GEM: variants seen among roughly 807,000 people sequenced by gnomAD.
GEM encodes GTP binding protein overexpressed in skeletal muscle, also known as GTP-binding protein GEM.
GEM carries 31 observed loss-of-function variants against 33.0 expected under a neutral mutation model. The ratio of observed to expected loss-of-function variants is 0.94; its 90% CI spans 0.71 to 1.27. GEM has a LOEUF of 1.27. Ranked by LOEUF, GEM falls within the 50% of genes most tolerant of loss-of-function variation. GEM has a pLI of 0.00. For missense variants in GEM, 354 were observed against 390.5 expected (o/e 0.91, Z 0.79); for synonymous variants, 141 against 143.7 (o/e 0.98, Z 0.13).
Position 94,260,462 on chromosome 8 carries a change from GC to G in GEM, c.41del (p.Gly14AlafsTer18), listed in dbSNP as rs1412384786. 1 of 1,611,450 alleles carries G rather than the reference GC, an allele frequency of 6.2e-7. No homozygotes were observed. The highest frequency in any genetic ancestry group is 8.5e-7 in the Non-Finnish European group (1 of 1,178,106). On this transcript the variant is annotated frameshift_variant, in exon 2 of 5. Transcript: ENST00000297596. LOFTEE classifies it high-confidence loss of function. ...TCCAGCGCTGCTGCTGTGGCTGCAT[GC>G]CCACAGTGCCCTGGCGCATGGTGAC... ...NNVTMRQGTV[G>X]MQPQQQRWSI...
At chr8:94,251,974 G>A in intron 4 of GEM, 45 bp downstream of exon 4, 1 of 1,402,204 alleles carries the variant, frequency 7.1e-7, no homozygotes. Context: ...GAAAACACAT[G>A]TGATCCAGCG....
In GEM at chr8:94,260,317, T is replaced by C; in HGVS notation, c.187A>G (p.Thr63Ala). ...HCRRSWSSDS[T>A]DSVISSESGN... ...GACTCAGAGGAGATGACTGAGTCTG[T>C]GGAGTCAGAGGACCAGCTTCGGCGG... The change falls in exon 2 of 5, where the codon ACA becomes GCA. Residue 63 changes from threonine (T) to alanine (A), a missense_variant. Transcript: ENST00000297596. The C allele has an allele frequency of 6.2e-7, 1 of 1,614,054 alleles. No homozygotes were observed. Among genetic ancestry groups the C allele is most frequent in the Non-Finnish European group, 8.5e-7 (1 of 1,179,914 alleles).
chr8:94,250,409 C>T lies in GEM; in HGVS notation c.792G>A (p.Arg264=). Residue 264 remains arginine (R), a synonymous_variant, in exon 5 of 5, where the codon AGG becomes AGA. Coordinates refer to ENST00000297596, the MANE Select transcript of GEM (RefSeq NM_005261.4). ...AYQKRKESMP[R]KARRFWGKIV... ...TCTTGCCCCAGAAGCGCCTGGCTTT[C>T]CTGGGCATGCTCTCCTTCCTTTTCT... 6.2e-7 allele frequency: 1 copy of T among 1,614,150 alleles called. No individual in the cohort carries two copies. The highest frequency in any genetic ancestry group is 8.5e-7 in the Non-Finnish European group (1 of 1,180,006).
At chr8:94,256,016 C>T (rs192961675) in intron 2 of GEM, among the ~76,000 whole-genome samples, 10 of 152,160 alleles carry the variant, frequency 6.6e-5, no homozygotes, top group Non-Finnish European at 8.8e-5. Flanking sequence ...CCTGGGCTTC[C>T]GTTTCCATCC....
At position 94,260,488 on chromosome 8, in the gene GEM, C is replaced by T. The variant is rs779094271; in HGVS notation, c.16G>A (p.Val6Ile). MTLNN[V>I]TMRQGTVGMQ... ...CCCACAGTGCCCTGGCGCATGGTGACATTATTCAGAGTCATCGTTGAGTCC... is the reference window on the plus strand; with the variant it reads ...CCCACAGTGCCCTGGCGCATGGTGATATTATTCAGAGTCATCGTTGAGTCC... Residue 6 changes from valine (V) to isoleucine (I), a missense_variant, in exon 2 of 5, where the codon GTC becomes ATC. By Grantham distance (29) the Val-to-Ile change is conservative. Transcript: ENST00000297596. 2.5e-6 allele frequency: 4 copies of T among 1,602,450 alleles called. No homozygotes were observed. The South Asian group carries it at 4.4e-5, about 18-fold the overall frequency.
Position 94,250,220 on chromosome 8 carries a change from C to G in GEM, c.*90G>C, listed in dbSNP as rs921703241. 1.7e-5 allele frequency: 18 copies of G among 1,082,642 alleles called. No homozygotes were observed. The highest frequency in any genetic ancestry group is 2.4e-5 in the East Asian group (1 of 41,838). 67.1% of individuals were successfully genotyped at this position (1,082,642 alleles called of 1,614,324 possible). On this transcript the variant is annotated 3_prime_UTR_variant, in exon 5 of 5. Coordinates refer to ENST00000297596, the MANE Select transcript of GEM (RefSeq NM_005261.4). ...CCTGCTACAATGGGGGAAACCACAT[C>G]TAACTTAAGTATTCAATCTAATATA...
At chr8:94,255,892 T>C (rs1270596050) in intron 2 of GEM, among the ~76,000 whole-genome samples, 3 of 152,254 alleles carry the variant, frequency 2.0e-5, no homozygotes, top group South Asian at 2.1e-4. Flanking sequence ...TGGTGGTCAG[T>C]AGCCACTTTC....
chr8:94,262,066 TG>T (rs1372916120), intron 1 of GEM, 23 bp downstream of exon 1: 1 of 152,288 alleles, frequency 6.6e-6, no homozygotes, highest in Non-Finnish European at 1.5e-5. Context: ...CGACATCCTT[TG>T]CACTTGAAGC....
At chr8:94,259,454 G>A (rs1330901996) in intron 2 of GEM, among the ~76,000 whole-genome samples, 2 of 152,164 alleles carry the variant, frequency 1.3e-5, no homozygotes, top group Non-Finnish European at 2.9e-5. Context: ...TTTATGGATG[G>A]CATTGGCTAT....
At chr8:94,260,726 C>T (rs1199841278) in intron 1 of GEM, 5 of 502,590 alleles carry the variant, frequency 9.9e-6, no homozygotes, top group Admixed American at 6.8e-5. Context: ...GTAACCAGCT[C>T]CTCAGGCAGA....
At chr8:94,259,583 C>T (rs1362663047) in intron 2 of GEM, among the ~76,000 whole-genome samples, 1 of 152,164 alleles carries the variant, frequency 6.6e-6, no homozygotes, top group African/African-American at 2.4e-5. Context: ...AGGCTCCAAT[C>T]AATAAATAGA....
Position 94,253,098 on chromosome 8 carries a change from G to A in GEM, c.346C>T (p.Arg116Ter), listed in dbSNP as rs762667312. 1.7e-5 allele frequency: 27 copies of A among 1,582,446 alleles called. No individual in the cohort carries two copies. Among genetic ancestry groups the A allele is most frequent in the Admixed American group, 5.0e-5 (3 of 59,904 alleles). ...CTTTCCCCATCAACCATCAGGGTTC[G>A]TTCATATGTATCTTCTAGAGAAGAA... ...CEVLGEDTYE[R>*]TLMVDGESAT... The change falls in exon 3 of 5, where the codon CGA becomes TGA. Residue 116 changes from arginine (R) to a stop codon, truncating the protein, a stop_gained. Coordinates refer to ENST00000297596, the MANE Select transcript of GEM (RefSeq NM_005261.4). LOFTEE classifies it high-confidence loss of function.
chr8:94,251,823 A>G (rs1808775733), intron 4 of GEM, among the ~76,000 whole-genome samples, 196 bp downstream of exon 4: 1 of 152,196 alleles, frequency 6.6e-6, no homozygotes, highest in African/African-American at 2.4e-5. Context: ...GGTAGACCAG[A>G]TGGACAAGGG....
intron 1 of GEM, 133 bp from the exon 2 acceptor site, chr8:94,260,645 A>AATTAAACAG (rs1809002423): frequency 1.6e-6 from 1 of 607,436 alleles, no homozygotes; most frequent in Non-Finnish European, 2.9e-6. Context: ...AAAGACCACC[A>AATTAAACAG]ATTAAACAGT....
intron 2 of GEM, among the ~76,000 whole-genome samples, chr8:94,258,943 C>A (rs3735860): frequency 6.6e-6 from 1 of 152,122 alleles, no homozygotes; most frequent in Non-Finnish European, 1.5e-5. Flanking sequence ...GTGCCTCTCC[C>A]GTTGCAAACA....
chr8:94,259,814 T>A, intron 2 of GEM: 1 of 191,792 alleles, frequency 5.2e-6, no homozygotes, highest in Admixed American at 5.5e-5. Context: ...GGAAAAAGGC[T>A]GTGTCTATAC....
chr8:94,258,983 G>T (rs58138063), intron 2 of GEM, among the ~76,000 whole-genome samples: 1 of 152,074 alleles, frequency 6.6e-6, no homozygotes, highest in South Asian at 2.1e-4. Context: ...CCTTCCTCCC[G>T]TTTCTCTTTC....
At chr8:94,254,397 T>A (rs1010002478) in intron 2 of GEM, among the ~76,000 whole-genome samples, 3 of 152,176 alleles carry the variant, frequency 2.0e-5, no homozygotes, top group African/African-American at 7.2e-5. Flanking sequence ...CCAGGTGCCA[T>A]CCCTTATGAA....
intron 4 of GEM, 120 bp downstream of exon 4, chr8:94,251,899 A>T: frequency 1.3e-6 from 1 of 741,108 alleles, no homozygotes; most frequent in Non-Finnish European, 2.4e-6. Context: ...CTAAAATTTC[A>T]TATAGCATCT....
Sources: allele counts gnomAD v4.1 joint callset (sites outside exome capture counted in the v4.1 genomes callset), GRCh38; gene constraint gnomAD v4.1.1; transcripts MANE v1.5; gene names NCBI Gene and HGNC (gene_info 2026-07-23, HGNC 2026-07-21).